The following TTC36 variants were observed in gnomAD, a reference collection of about 807,000 sequenced individuals.
TTC36 encodes tetratricopeptide repeat protein 36.
TTC36 carries 15 observed loss-of-function variants against 17.5 expected under a neutral mutation model. The observed-to-expected ratio is 0.86, with a 90% CI of 0.57 to 1.32. TTC36 has a LOEUF of 1.32. Among genes scored for constraint, TTC36 ranks in the 40% most tolerant of loss-of-function variants. The pLI is 0.00. For synonymous variants in TTC36, 112 were observed against 109.8 expected (o/e 1.02, Z -0.13); for missense variants, 292 against 260.9 (o/e 1.12, Z -0.82).
rs1360323620 is a variant in TTC36 at position 118,527,774 on chromosome 11, G to C, written c.118+162G>C. On this transcript the variant is annotated intron_variant, in intron 1 of 2. Transcript: ENST00000302783. ...CTCCTTAGCGCACTGATGGGGGTTT[G>C]GTAAGAGATGTCCTGCCAAGAGGAG... The C allele has an allele frequency of 4.3e-6, 3 of 694,936 alleles. No homozygotes were observed. The African/African-American group carries it at 5.2e-5, about 12-fold the overall frequency. The allele number at this position is 694,936 out of a possible 1,614,324, so 43.0% of individuals were successfully genotyped here. A position where few individuals can be genotyped will look rare whatever the true frequency, so the allele number is the denominator to read the frequency against.
rs887667493 is a variant in TTC36, at chr11:118,528,710, C to T, written c.226C>T (p.Gln76Ter). The T allele has an allele frequency of 8.1e-6, 13 of 1,613,446 alleles. No individual in the cohort carries two copies. In the Admixed American group the frequency reaches 1.0e-4, roughly 12 times the overall value. Residue 76 changes from glutamine (Q) to a stop codon, truncating the protein, a stop_gained, in exon 2 of 3, where the codon CAA (glutamine) becomes TAA (stop). Transcript: ENST00000302783. LOFTEE classifies it high-confidence loss of function. ...DLSTALERFG[Q>*]AICLLPERAS... is the part of the protein sequence containing the mutation. ...CAGCACAGCCCTGGAGAGGTTTGGC[C>T]AAGCCATCTGCCTGCTGCCTGAGAG...
At chr11:118,529,965 C>T (rs1171443080) in intron 2 of TTC36, among the ~76,000 whole-genome samples, 2 of 152,210 alleles carry the variant, frequency 1.3e-5, no homozygotes, top group Non-Finnish European at 2.9e-5. Context: ...GTTCAGAGTT[C>T]TGAGGCCCAA....
chr11:118,530,557 C>T lies in TTC36; in HGVS notation c.308-97C>T. The T allele has an allele frequency of 7.6e-7, 1 of 1,316,138 alleles. No individual in the cohort carries two copies. Among genetic ancestry groups the T allele is most frequent in the East Asian group, 3.2e-5 (1 of 31,474 alleles). 81.5% of individuals were successfully genotyped at this position (1,316,138 alleles called of 1,614,324 possible). On this transcript the variant is annotated intron_variant, in intron 2 of 2. Coordinates refer to ENST00000302783, the MANE Select transcript of TTC36 (RefSeq NM_001080441.4). This position sits in a 1 kb window ranked among gnomAD's most constrained non-coding sequence, Gnocchi z 5.8. Reference sequence around the variant, plus strand: ...TGGCCACGCCCGGGAGCCGCAAGAACCACGGTGATCCGCGCGGCCGCAGGT... The same window carrying T: ...TGGCCACGCCCGGGAGCCGCAAGAATCACGGTGATCCGCGCGGCCGCAGGT...
At chr11:118,527,928 C>T (rs1555056169) in intron 1 of TTC36, 1 of 482,656 alleles carries the variant, frequency 2.1e-6, no homozygotes, top group African/African-American at 1.9e-5. Flanking sequence ...ACAGAGAATA[C>T]CACCACCAGA....
intron 1 of TTC36, chr11:118,527,900 T>G (rs1049389852): frequency 7.8e-6 from 4 of 512,930 alleles, no homozygotes; most frequent in South Asian, 6.1e-5. Context: ...GATGTTAAAC[T>G]CTCACATTTT....
intron 1 of TTC36, chr11:118,528,012 C>T (rs1410284693): frequency 1.1e-5 from 5 of 459,628 alleles, no homozygotes; most frequent in Non-Finnish European, 2.2e-5. Flanking sequence ...AACCAGTAAC[C>T]GTTAAACACT....
Position 118,530,592 on chromosome 11 carries a change from C to A in TTC36, c.308-62C>A, listed in dbSNP as rs1248350947. The stretch of plus-strand genomic sequence containing the variant: ...CCGCGCGGCCGCAGGTGGGCTGGGG[C>A]TCGGGCAAGGCCGCCCTGGCCTCCG... On this transcript the variant is annotated intron_variant, in intron 2 of 2. Transcript: ENST00000302783. The surrounding 1 kb of genome is among the most constrained non-coding windows in gnomAD (Gnocchi z 5.8). 4 of 1,358,828 alleles carry A rather than the reference C, an allele frequency of 2.9e-6. No individual in the cohort carries two copies. Among genetic ancestry groups the A allele is most frequent in the Non-Finnish European group, 2.8e-6 (3 of 1,066,604 alleles). The allele number at this position is 1,358,828 out of a possible 1,614,324, so 84.2% of individuals were successfully genotyped here.
intron 1 of TTC36, 59 bp downstream of exon 1, chr11:118,527,671 G>T: frequency 1.6e-6 from 2 of 1,234,384 alleles, no homozygotes; most frequent in Non-Finnish European, 2.4e-6. Flanking sequence ...GCCTCCCGAG[G>T]TAGCAGAGAG....
rs1555056022 is a variant in TTC36 at position 118,527,517 on chromosome 11, C to A, written c.23C>A (p.Ala8Glu). 4 of 1,613,964 alleles carry A rather than the reference C, an allele frequency of 2.5e-6. No homozygotes were observed. In the Admixed American group the frequency reaches 6.7e-5, roughly 27 times the overall value. Reference sequence around the variant, plus strand: ...ACCATGGGGACTCCAAATGATCAGGCAGTGCTGCAGGCCATCTTCAACCCT... The same window carrying A: ...ACCATGGGGACTCCAAATGATCAGGAAGTGCTGCAGGCCATCTTCAACCCT... MGTPNDQ[A>E]VLQAIFNPDT... Residue 8 changes from alanine to glutamate, a missense_variant, in exon 1 of 3, where the codon GCA (alanine) becomes GAA (glutamate). Ala to Glu is a moderately radical substitution (Grantham distance 107). Coordinates refer to ENST00000302783, the MANE Select transcript of TTC36 (RefSeq NM_001080441.4).
At chr11:118,527,783 T>C in intron 1 of TTC36, 171 bp downstream of exon 1, 2 of 686,732 alleles carry the variant, frequency 2.9e-6, no homozygotes. Context: ...TGGTAAGAGA[T>C]GTCCTGCCAA....
chr11:118,530,406 A>C lies in TTC36; in HGVS notation c.308-248A>C, dbSNP rs1591326489. On this transcript the variant is annotated intron_variant, in intron 2 of 2. Coordinates refer to ENST00000302783, the MANE Select transcript of TTC36 (RefSeq NM_001080441.4). The surrounding 1 kb of genome is among the most constrained non-coding windows in gnomAD (Gnocchi z 5.8). ...TGGAAAATAATAGGAACAAGGCGAG[A>C]CCTGGACTTCAGTCCCAGCTCTGCC... 4.6e-6 allele frequency: 2 copies of C among 435,846 alleles called. No homozygotes were observed. The highest frequency in any genetic ancestry group is 4.2e-5 in the African/African-American group (2 of 48,040). 27.0% of individuals were successfully genotyped at this position (435,846 alleles called of 1,614,324 possible).
Position 118,530,735 on chromosome 11 carries a change from GA to G in TTC36, c.390del (p.Leu131SerfsTer48). 6.7e-7 allele frequency: 1 copy of G among 1,497,764 alleles called. No homozygotes were observed. The allele number at this position is 1,497,764 out of a possible 1,614,324, so 92.8% of individuals were successfully genotyped here. ...GCCCGCCAGAGCTTTGTGCAGCGCG[GA>G]CTCCTGGCGCGGCTGCAGGGCCGAG... ...RAARQSFVQR[G>X]LLARLQGRDD... On this transcript the variant is annotated frameshift_variant, in exon 3 of 3. Coordinates refer to ENST00000302783, the MANE Select transcript of TTC36 (RefSeq NM_001080441.4). LOFTEE classifies it high-confidence loss of function. The surrounding 1 kb of genome is among the most constrained non-coding windows in gnomAD (Gnocchi z 5.8).
At position 118,530,760 on chromosome 11, in the gene TTC36, A is replaced by C; in HGVS notation, c.414A>C (p.Arg138=). The part of the protein sequence containing the change: ...QRGLLARLQG[R]DDDARRDFER... ...GACTCCTGGCGCGGCTGCAGGGCCG[A>C]GACGACGACGCCCGCAGGGACTTCG... Residue 138 remains arginine (R), a synonymous_variant, in exon 3 of 3, where the codon CGA becomes CGC. Transcript: ENST00000302783. This position sits in a 1 kb window ranked among gnomAD's most constrained non-coding sequence, Gnocchi z 5.8. 1 of 1,507,026 alleles carries C rather than the reference A, an allele frequency of 6.6e-7. No individual in the cohort carries two copies. Among genetic ancestry groups the C allele is most frequent in the South Asian group, 1.2e-5 (1 of 80,856 alleles). The allele number at this position is 1,507,026 out of a possible 1,614,324, so 93.4% of individuals were successfully genotyped here.
chr11:118,528,832 G>C, intron 2 of TTC36, 41 bp downstream of exon 2: 2 of 1,545,610 alleles, frequency 1.3e-6, no homozygotes, highest in Non-Finnish European at 1.8e-6. Context: ...AAGGGCCCAC[G>C]GGAGGGCACA....
chr11:118,527,656 T>C, intron 1 of TTC36, 44 bp downstream of exon 1: 1 of 1,439,176 alleles, frequency 6.9e-7, no homozygotes. Context: ...TAGGCTGGCC[T>C]GCTGGCCTCC....
Position 118,528,587 on chromosome 11 carries a change from T to G in TTC36, c.119-16T>G. The stretch of plus-strand genomic sequence containing the variant: ...AACTGCACACCTGGCTTCTCCTGGC[T>G]CCTTCCCTGGCCCAGATGAAGTTTT... On this transcript the variant is annotated splice_polypyrimidine_tract_variant and intron_variant, in intron 1 of 2. Transcript: ENST00000302783. 6.5e-7 allele frequency: 1 copy of G among 1,544,886 alleles called. No individual in the cohort carries two copies. Among genetic ancestry groups the G allele is most frequent in the Non-Finnish European group, 8.8e-7 (1 of 1,142,142 alleles).
In TTC36 at chr11:118,530,478, T is replaced by C; in HGVS notation, c.308-176T>C. The stretch of plus-strand genomic sequence containing the variant: ...GCTTAACTCTTCCACAGTCTTCATC[T>C]GTGTAATGGGAATAACGATCCGTAC... On this transcript the variant is annotated intron_variant, in intron 2 of 2. Coordinates refer to ENST00000302783, the MANE Select transcript of TTC36 (RefSeq NM_001080441.4). The surrounding 1 kb of genome is among the most constrained non-coding windows in gnomAD (Gnocchi z 5.8). The C allele has an allele frequency of 1.5e-6, 1 of 676,762 alleles. No homozygotes were observed. Among genetic ancestry groups the C allele is most frequent in the Non-Finnish European group, 2.2e-6 (1 of 457,692 alleles). 41.9% of individuals were successfully genotyped at this position (676,762 alleles called of 1,614,324 possible). A position where few individuals can be genotyped will look rare whatever the true frequency, so the allele number is the denominator to read the frequency against.
chr11:118,529,576 C>T (rs1951161879), intron 2 of TTC36, among the ~76,000 whole-genome samples: 1 of 152,164 alleles, frequency 6.6e-6, no homozygotes. Flanking sequence ...GTATAAACCA[C>T]GGAAACCTAG....
At chr11:118,527,852 A>G (rs1161280017) in intron 1 of TTC36, 9 of 594,096 alleles carry the variant, frequency 1.5e-5, no homozygotes, top group Non-Finnish European at 2.5e-5. Flanking sequence ...TGAACTTACC[A>G]CTTAATTGAC....
Sources: allele counts gnomAD v4.1 joint callset (sites outside exome capture counted in the v4.1 genomes callset), GRCh38; gene constraint gnomAD v4.1.1; non-coding constraint Gnocchi (gnomAD v3.1); transcripts MANE v1.5; gene names NCBI Gene and HGNC (gene_info 2026-07-23, HGNC 2026-07-21).